DNAH2: variants seen among roughly 807,000 people sequenced by gnomAD.
DNAH2 encodes the protein dynein axonemal heavy chain 2.
Under a neutral mutation model 523.5 loss-of-function variants are expected in DNAH2, and 323 were observed. The ratio of observed to expected loss-of-function variants is 0.62; its 90% CI spans 0.56 to 0.68. DNAH2 has a LOEUF of 0.68. Among genes scored for constraint, DNAH2 ranks in the 30% least tolerant of loss-of-function variants. DNAH2 has a pLI of 0.00. For synonymous variants in DNAH2, 2,093 were observed against 2,177.4 expected, an observed-to-expected ratio of 0.96 and a Z score of 1.08; for missense variants, 4,907 against 5,701.5, an observed-to-expected ratio of 0.86 and a Z score of 4.49.
Position 7,744,572 on chromosome 17 carries a change from G to A in DNAH2, c.1904+1430G>A, listed in dbSNP as rs141353905. ...GGGATGTTGGGAGCTGCAGGGATGA[G>A]GAAGCCGTTGAGGAGCAGAGTGTGC... On this transcript the variant is annotated intron_variant, in intron 12 of 85. Coordinates refer to ENST00000572933, the MANE Select transcript of DNAH2 (RefSeq NM_020877.5). Among the ~76,000 whole-genome samples the A allele has an allele frequency of 7.3e-3, 1,117 of 152,248 alleles. 12 individuals carry two copies. The highest frequency in any genetic ancestry group is 0.025 in the African/African-American group (1,019 of 41,528).
intron 2 of DNAH2, among the ~76,000 whole-genome samples, chr17:7,723,145 A>AT (rs199685701): frequency 6.9e-6 from 1 of 144,600 alleles, no homozygotes; most frequent in South Asian, 2.2e-4. Context: ...AATTTTTTGT[A>AT]TTTTTTAGTA....
chr17:7,830,730 A>C lies in DNAH2; in HGVS notation c.12118A>C (p.Ile4040Leu), dbSNP rs1320849576. The stretch of plus-strand genomic sequence containing the variant: ...ACCTTGGGACGCACTTAAGTACCTC[A>C]TTGCCGGCATCAACTATGGTGGACA... The part of the protein sequence containing the change: ...ETPWDALKYL[I>L]AGINYGGHVT... Residue 4040 changes from isoleucine (I) to leucine (L), a missense_variant, in exon 79 of 86, where the codon ATT (isoleucine) becomes CTT (leucine). By Grantham distance (5) the Ile-to-Leu change is conservative (BLOSUM62 2). Transcript: ENST00000572933. 6.2e-7 allele frequency: 1 copy of C among 1,614,082 alleles called. No individual in the cohort carries two copies. Among genetic ancestry groups the C allele is most frequent in the Non-Finnish European group, 8.5e-7 (1 of 1,180,046 alleles).
In DNAH2 at chr17:7,738,608, C is replaced by T. The variant is rs143380834; in HGVS notation, c.1171-1125C>T. On this transcript the variant is annotated intron_variant, in intron 8 of 85. Coordinates refer to ENST00000572933, the MANE Select transcript of DNAH2 (RefSeq NM_020877.5). ...CCTCTCAAAGTGCTGGGATTACAGG[C>T]GTGAGCCACCACGCCCTGCCTGGCT... 1.0e-3 allele frequency among the ~76,000 whole-genome samples: 157 copies of T among 152,298 alleles called. 4 individuals carry two copies. The highest frequency in any genetic ancestry group is 3.4e-3 in the Middle Eastern group (1 of 294).
At position 7,807,979 on chromosome 17, in the gene DNAH2, G is replaced by A. The variant is rs1449499943; in HGVS notation, c.9729+393G>A. Among the ~76,000 whole-genome samples, 1 of 152,126 alleles carries A rather than the reference G, an allele frequency of 6.6e-6. No homozygotes were observed. Among genetic ancestry groups the A allele is most frequent in the Non-Finnish European group, 1.5e-5 (1 of 68,028 alleles). On this transcript the variant is annotated intron_variant, in intron 63 of 85. Coordinates refer to ENST00000572933, the MANE Select transcript of DNAH2 (RefSeq NM_020877.5). The surrounding 1 kb of genome is among the most constrained non-coding windows in gnomAD (Gnocchi z 5.6). ...TTCTGTGGACCAAGAACAACGTGAG[G>A]GTGTCTGTGCATATGTTGTGTGGGG...
chr17:7,781,427 G>A (rs2076602616), intron 39 of DNAH2, among the ~76,000 whole-genome samples: 1 of 152,118 alleles, frequency 6.6e-6, no homozygotes. Flanking sequence ...ATAATGAGCT[G>A]AGATTGTGCC....
chr17:7,759,921 C>T lies in DNAH2; in HGVS notation c.2768C>T (p.Pro923Leu), dbSNP rs1567652457. 1 of 1,614,168 alleles carries T rather than the reference C, an allele frequency of 6.2e-7. No individual in the cohort carries two copies. Among genetic ancestry groups the T allele is most frequent in the Admixed American group, 1.7e-5 (1 of 60,004 alleles). ...ACCAAGCGCAAGTTACATCGTGAAC[C>T]CATCCAAACAGTTGTGGGTGAGTGG... ...ILTKRKLHRE[P>L]IQTVVEQDED... Residue 923 changes from proline (P) to leucine (L), a missense_variant, in exon 17 of 86, where the codon CCC becomes CTC. Transcript: ENST00000572933.
chr17:7,769,375 T>G (rs1158381099), intron 24 of DNAH2, among the ~76,000 whole-genome samples: 1 of 152,204 alleles, frequency 6.6e-6, no homozygotes, highest in Non-Finnish European at 1.5e-5. Flanking sequence ...TTGCCCAAGA[T>G]GGTCTTGAAC....
chr17:7,811,009 G>A (rs1313205770), intron 63 of DNAH2, among the ~76,000 whole-genome samples: 2 of 152,184 alleles, frequency 1.3e-5, no homozygotes, highest in Admixed American at 1.3e-4. Flanking sequence ...TCTGAAATGG[G>A]TCAGAACAGA....
intron 42 of DNAH2, 122 bp from the exon 43 acceptor site, chr17:7,787,738 A>C: frequency 1.1e-6 from 1 of 897,316 alleles, no homozygotes; most frequent in Non-Finnish European, 1.5e-6. Context: ...TTTGTCTTAA[A>C]AAAAAAAAAA....
chr17:7,740,428 C>T lies in DNAH2; in HGVS notation c.1385C>T (p.Ala462Val), dbSNP rs765363699. The T allele has an allele frequency of 5.6e-6, 9 of 1,614,022 alleles. No homozygotes were observed. Among genetic ancestry groups the T allele is most frequent in the Admixed American group, 3.3e-5 (2 of 60,002 alleles). The change falls in exon 10 of 86, where the codon GCC (alanine) becomes GTC (valine). Residue 462 changes from alanine to valine, a missense_variant. This residue lies in a region of DNAH2 where 2,806 missense variants were observed against 3,190.8 expected (regional missense o/e 0.88). Transcript: ENST00000572933. ...CCTCTCCACCGGTGCAGGTTCCGTG[C>T]CGGAATCAAGGACCTGGAGGTGATG... ...CWHEDYNKFR[A>V]GIKDLEVMTQ... is the part of the protein sequence containing the mutation.
At position 7,798,177 on chromosome 17, in the gene DNAH2, A is replaced by T; in HGVS notation, c.8251A>T (p.Ile2751Phe). 1 of 1,606,484 alleles carries T rather than the reference A, an allele frequency of 6.2e-7. No individual in the cohort carries two copies. Among genetic ancestry groups the T allele is most frequent in the Non-Finnish European group, 8.5e-7 (1 of 1,174,096 alleles). Residue 2751 changes from isoleucine to phenylalanine, a missense_variant, in exon 54 of 86, where the codon ATT becomes TTT. Coordinates refer to ENST00000572933, the MANE Select transcript of DNAH2 (RefSeq NM_020877.5). This position sits in a 1 kb window ranked among gnomAD's most constrained non-coding sequence, Gnocchi z 5.5. Reference sequence around the variant, plus strand: ...CCCAGTCACACGGATCGTGCGGGTCATTGGACAGCCTCGGGGCAACATGCT... The same window carrying T: ...CCCAGTCACACGGATCGTGCGGGTCTTTGGACAGCCTCGGGGCAACATGCT... ...IEHITRIVRV[I>F]GQPRGNMLLV...
intron 28 of DNAH2, 85 bp from the exon 29 acceptor site, chr17:7,774,673 CT>C: frequency 1.7e-6 from 2 of 1,208,750 alleles, no homozygotes; most frequent in Non-Finnish European, 2.4e-6. Context: ...TGTTCAAGAG[CT>C]GGCAAAGAAC....
chr17:7,824,600 T>C lies in DNAH2; in HGVS notation c.11726T>C (p.Leu3909Pro). The C allele has an allele frequency of 6.2e-7, 1 of 1,606,510 alleles. No individual in the cohort carries two copies. The highest frequency in any genetic ancestry group is 2.2e-5 in the East Asian group (1 of 44,480). ...SLSWMPNLDK[L>P]VEQLQVEDPH... The stretch of plus-strand genomic sequence containing the variant: ...TCTTGGATGCCTAATCTGGACAAGC[T>C]GGTGGAGCAGCTGCAGGTGGAGGAT... Residue 3909 changes from leucine (L) to proline (P), a missense_variant, in exon 77 of 86, where the codon CTG (leucine) becomes CCG (proline). By Grantham distance (98) the Leu-to-Pro change is moderately conservative. This residue lies in a region of DNAH2 where 1,851 missense variants were observed against 2,139.4 expected (regional missense o/e 0.87). Transcript: ENST00000572933.
chr17:7,783,412 G>A (rs373406740), intron 39 of DNAH2, among the ~76,000 whole-genome samples: 2 of 152,162 alleles, frequency 1.3e-5, no homozygotes, highest in African/African-American at 2.4e-5. Context: ...GATACCCGAT[G>A]TGAAAATTGT....
Position 7,759,449 on chromosome 17 carries a change from A to T in DNAH2, c.2476A>T (p.Ile826Phe). Residue 826 changes from isoleucine (I) to phenylalanine (F), a missense_variant, in exon 16 of 86, where the codon ATT (isoleucine) becomes TTT (phenylalanine). Physicochemically the swap from Ile to Phe is conservative, Grantham distance 21 (BLOSUM62 0). This residue lies in a region of DNAH2 where 2,806 missense variants were observed against 3,190.8 expected (regional missense o/e 0.88). Coordinates refer to ENST00000572933, the MANE Select transcript of DNAH2 (RefSeq NM_020877.5). ...EIQQQWMLYM[I>F]RLDRMMEDAL... ...TCAGCAGCAGTGGATGCTGTACATG[A>T]TTCGGCTGGACCGCATGATGGAGGA... The T allele has an allele frequency of 6.2e-7, 1 of 1,613,874 alleles. No individual in the cohort carries two copies. The highest frequency in any genetic ancestry group is 8.5e-7 in the Non-Finnish European group (1 of 1,179,866).
chr17:7,811,726 C>T lies in DNAH2; in HGVS notation c.9729+4140C>T, dbSNP rs79649669. Among the ~76,000 whole-genome samples the T allele has an allele frequency of 2.2e-3, 342 of 152,274 alleles. 5 individuals are homozygous for T. The East Asian group carries it at 0.031, about 14-fold the overall frequency. ...ATTCCTGAGGGCCCTACCCCCGTGA[C>T]CTAATCACCTCCCAGATGCCCCACC... is the stretch of plus-strand genomic sequence containing the variant. On this transcript the variant is annotated intron_variant, in intron 63 of 85. Transcript: ENST00000572933.
chr17:7,807,481 G>A lies in DNAH2; in HGVS notation c.9624G>A (p.Arg3208=). 6.2e-7 allele frequency: 1 copy of A among 1,613,472 alleles called. No individual in the cohort carries two copies. The highest frequency in any genetic ancestry group is 8.5e-7 in the Non-Finnish European group (1 of 1,180,034). The part of the protein sequence containing the change: ...MWVRAMELYG[R]LYRVVEPKRI... The stretch of plus-strand genomic sequence containing the variant: ...CTGTCTCCCCACAGCTGTATGGGCG[G>A]CTATATCGGGTGGTGGAGCCCAAGC... The change falls in exon 63 of 86, where the codon CGG becomes CGA. Residue 3208 remains arginine, a synonymous_variant. Transcript: ENST00000572933. The surrounding 1 kb of genome is among the most constrained non-coding windows in gnomAD (Gnocchi z 5.6).
Position 7,739,838 on chromosome 17 carries a change from G to A in DNAH2, c.1276G>A (p.Glu426Lys), listed in dbSNP as rs751934404. The change falls in exon 9 of 86, where the codon GAG (glutamate) becomes AAG (lysine). Residue 426 changes from glutamate (E) to lysine (K), a missense_variant. Glu to Lys is a moderately conservative substitution (Grantham distance 56). Transcript: ENST00000572933. Reference sequence around the variant, plus strand: ...GCCACAGATAACACGGAACTTGCTGGAGATTGAGGACATCTTTCATAAAAA... The same window carrying A: ...GCCACAGATAACACGGAACTTGCTGAAGATTGAGGACATCTTTCATAAAAA... ...QGPQITRNLLEIEDIFHKNLH... is the reference protein window; with the variant it reads ...QGPQITRNLLKIEDIFHKNLH... The A allele has an allele frequency of 3.7e-6, 6 of 1,614,038 alleles. No individual in the cohort carries two copies. Among genetic ancestry groups the A allele is most frequent in the Non-Finnish European group, 4.2e-6 (5 of 1,180,026 alleles).
At chr17:7,784,976 A>G (rs1303918342) in intron 39 of DNAH2, among the ~76,000 whole-genome samples, 1 of 152,220 alleles carries the variant, frequency 6.6e-6, no homozygotes, top group African/African-American at 2.4e-5. Flanking sequence ...CAAAAAATCC[A>G]TAAAGAGATG....
Sources: gnomAD v4.1 joint callset for allele counts (sites outside exome capture counted in the v4.1 genomes callset) on GRCh38, gnomAD v4.1.1 for gene constraint, gnomAD v4.1.1 regional missense constraint, Gnocchi (gnomAD v3.1) non-coding constraint, MANE v1.5 for transcripts, NCBI Gene and HGNC (gene_info 2026-07-23, HGNC 2026-07-21) for gene names.